The following MAN1C1 variants were observed in gnomAD, a reference collection of about 807,000 sequenced individuals.
MAN1C1 encodes mannosidase alpha class 1C member 1, also known as mannosyl-oligosaccharide 1,2-alpha-mannosidase IC.
Under a neutral mutation model 71.5 loss-of-function variants are expected in MAN1C1, and 49 were observed. That is an observed-to-expected ratio of 0.69 (90% CI 0.54 to 0.87). The LOEUF (loss-of-function observed/expected upper bound fraction) is 0.87, where lower values mean the gene tolerates loss of function less well. Ranked by LOEUF, MAN1C1 falls within the 40% of genes least tolerant of loss-of-function variation. The probability of loss-of-function intolerance (pLI) is 0.00; values close to 1 mark genes in which losing one functional copy is unlikely to be tolerated. For synonymous variants in MAN1C1, 352 were observed against 343.7 expected (o/e 1.02, Z -0.27); for missense variants, 743 against 835.0 (o/e 0.89, Z 1.36).
chr1:25,685,994 T>C (rs1381851441), intron 1 of MAN1C1, among the ~76,000 whole-genome samples: 1 of 152,182 alleles, frequency 6.6e-6, no homozygotes, highest in Non-Finnish European at 1.5e-5. Flanking sequence ...GTTGGATGAG[T>C]TACCTCATGT....
intron 2 of MAN1C1, among the ~76,000 whole-genome samples, chr1:25,740,763 G>A (rs1360365900): frequency 9.9e-5 from 15 of 152,016 alleles, no homozygotes; most frequent in Admixed American, 2.0e-4. Flanking sequence ...AAATCTCTCT[G>A]GCTGCAACGC....
chr1:25,767,572 CCA>C (rs1245693867), intron 7 of MAN1C1, among the ~76,000 whole-genome samples: 11 of 126,030 alleles, frequency 8.7e-5, no homozygotes, highest in Non-Finnish European at 1.5e-4. Context: ...TCACACACAC[CCA>C]CACACACAGA....
At chr1:25,728,073 G>C (rs2046857611) in intron 2 of MAN1C1, among the ~76,000 whole-genome samples, 2 of 152,224 alleles carry the variant, frequency 1.3e-5, no homozygotes, top group Non-Finnish European at 2.9e-5. Context: ...TCCAGGAGAT[G>C]GAAGCCAGGC....
At chr1:25,665,231 C>T (rs1434352379) in intron 1 of MAN1C1, among the ~76,000 whole-genome samples, 1 of 152,144 alleles carries the variant, frequency 6.6e-6, no homozygotes, top group Non-Finnish European at 1.5e-5. Flanking sequence ...TGCAATGTTG[C>T]CTGGTAACGT....
chr1:25,717,999 T>TACAC (rs71577794), intron 2 of MAN1C1, among the ~76,000 whole-genome samples: 26,929 of 148,476 alleles, frequency 0.18, 3,313 homozygotes, highest in African/African-American at 0.35. Context: ...TAGCTTTATT[T>TACAC]ACACACACAC....
Position 25,772,041 on chromosome 1 carries a change from G to A in MAN1C1, c.1257+269G>A, listed in dbSNP as rs572382776. The A allele has an allele frequency of 1.9e-5, 8 of 412,922 alleles. No homozygotes were observed. The South Asian group carries it at 2.3e-4, about 12-fold the overall frequency. The allele number at this position is 412,922 out of a possible 1,614,324, so 25.6% of individuals were successfully genotyped here. ...TGAAGTCATTTATCCAAGGTCTCAC[G>A]GGAAGTGACCGTCAGTCTGATTCAG... On this transcript the variant is annotated intron_variant, in intron 8 of 11. Transcript: ENST00000374332.
intron 5 of MAN1C1, among the ~76,000 whole-genome samples, chr1:25,754,559 G>A (rs988636152): frequency 2.6e-5 from 4 of 152,048 alleles, no homozygotes; most frequent in South Asian, 2.1e-4. Flanking sequence ...CTCGGGGGCC[G>A]GAGAAATCCC....
In MAN1C1 at chr1:25,784,328, C is replaced by T. The variant is rs150496543; in HGVS notation, c.*539C>T. 6.6e-6 allele frequency: 1 copy of T among 152,424 alleles called. No individual in the cohort carries two copies. The highest frequency in any genetic ancestry group is 1.9e-4 in the East Asian group (1 of 5,190). The allele number at this position is 152,424 out of a possible 1,614,324, so 9.4% of individuals were successfully genotyped here. On this transcript the variant is annotated 3_prime_UTR_variant, in exon 12 of 12. Transcript: ENST00000374332. ...CCTATGTTCAACTTTGTGTCATTTA[C>T]CTTATAATTTGAGGAGGGGTTTCCC...
chr1:25,662,022 C>T (rs1302182792), intron 1 of MAN1C1, among the ~76,000 whole-genome samples: 1 of 152,202 alleles, frequency 6.6e-6, no homozygotes, highest in Admixed American at 6.5e-5. Context: ...GCTCTGGAAA[C>T]CTTCCCCATC....
At chr1:25,689,805 C>T (rs533321667) in intron 2 of MAN1C1, among the ~76,000 whole-genome samples, 1 of 152,354 alleles carries the variant, frequency 6.6e-6, no homozygotes, top group South Asian at 2.1e-4. Context: ...TTCTGCTGTG[C>T]TGGCTGAGTA....
Position 25,779,370 on chromosome 1 carries a change from C to A in MAN1C1, c.1477+1046C>A, listed in dbSNP as rs1572215789. Among the ~76,000 whole-genome samples, 1 of 152,204 alleles carries A rather than the reference C, an allele frequency of 6.6e-6. No homozygotes were observed. Among genetic ancestry groups the A allele is most frequent in the African/African-American group, 2.4e-5 (1 of 41,452 alleles). On this transcript the variant is annotated intron_variant, in intron 9 of 11. Transcript: ENST00000374332. This position sits in a 1 kb window ranked among gnomAD's most constrained non-coding sequence, Gnocchi z 4.6. ...CAGCCACCTTTGGCCAGCAGCACTGCAGGCACTTGCTGACCGCCCATCATG... is the reference window on the plus strand; with the variant it reads ...CAGCCACCTTTGGCCAGCAGCACTGAAGGCACTTGCTGACCGCCCATCATG...
chr1:25,695,536 T>A (rs1354691722), intron 2 of MAN1C1, among the ~76,000 whole-genome samples: 1 of 151,822 alleles, frequency 6.6e-6, no homozygotes, highest in Non-Finnish European at 1.5e-5. Context: ...GCCCAAGGGG[T>A]GATCATCAGA....
chr1:25,766,065 G>C (rs2047422280), intron 7 of MAN1C1, among the ~76,000 whole-genome samples: 1 of 152,142 alleles, frequency 6.6e-6, no homozygotes, highest in South Asian at 2.1e-4. Flanking sequence ...CCCATGAAAA[G>C]GGCTGAAAGG....
In MAN1C1 at chr1:25,617,479, C is replaced by A. The variant is rs1310533642; in HGVS notation, c.-319C>A. 1 of 146,878 alleles carries A rather than the reference C, an allele frequency of 6.8e-6. No homozygotes were observed. The highest frequency in any genetic ancestry group is 1.5e-5 in the Non-Finnish European group (1 of 66,032). 9.1% of individuals were successfully genotyped at this position (146,878 alleles called of 1,614,324 possible). ...GGCCGCAGCGCGGGAAGGCGCGGGC[C>A]CCGGCGCGGCGGGGAGGGCTCGGCC... On this transcript the variant is annotated 5_prime_UTR_variant, in exon 1 of 12. Coordinates refer to ENST00000374332, the MANE Select transcript of MAN1C1 (RefSeq NM_020379.4). This position sits in a 1 kb window ranked among gnomAD's most constrained non-coding sequence, Gnocchi z 5.1.
At chr1:25,745,273 G>A (rs1223523068) in intron 2 of MAN1C1, among the ~76,000 whole-genome samples, 1 of 152,168 alleles carries the variant, frequency 6.6e-6, no homozygotes, top group Non-Finnish European at 1.5e-5. Flanking sequence ...GCACTAGAAT[G>A]AGAATGGCCG....
chr1:25,629,257 A>G (rs1224173917), intron 1 of MAN1C1, among the ~76,000 whole-genome samples: 5 of 151,972 alleles, frequency 3.3e-5, no homozygotes, highest in South Asian at 2.1e-4. Context: ...GCCAATGTCT[A>G]TTGTTTTTTG....
At chr1:25,768,990 A>G (rs1447602111) in intron 7 of MAN1C1, among the ~76,000 whole-genome samples, 3 of 140,940 alleles carry the variant, frequency 2.1e-5, no homozygotes, top group African/African-American at 8.1e-5. Flanking sequence ...CTCCCCTCAC[A>G]TATACATACA....
intron 1 of MAN1C1, among the ~76,000 whole-genome samples, chr1:25,677,314 G>T (rs535222612): frequency 6.6e-6 from 1 of 152,174 alleles, no homozygotes; most frequent in African/African-American, 2.4e-5. Context: ...AGGCTTTGTG[G>T]TCTATTGTTA....
At chr1:25,656,938 G>A (rs1324054176) in intron 1 of MAN1C1, among the ~76,000 whole-genome samples, 2 of 151,420 alleles carry the variant, frequency 1.3e-5, no homozygotes, top group Non-Finnish European at 2.9e-5. Flanking sequence ...CCGTTCTCCC[G>A]CCTCAGCCTC....
Sources: gnomAD v4.1 joint callset for allele counts (sites outside exome capture counted in the v4.1 genomes callset) on GRCh38, gnomAD v4.1.1 for gene constraint, Gnocchi (gnomAD v3.1) non-coding constraint, MANE v1.5 for transcripts, NCBI Gene and HGNC (gene_info 2026-07-23, HGNC 2026-07-21) for gene names.